The following TMEM260 variants were observed in gnomAD, a reference collection of about 807,000 sequenced individuals.
The protein encoded by TMEM260 is protein O-mannosyl-transferase TMEM260.
TMEM260 carries 82 observed loss-of-function variants against 88.9 expected under a neutral mutation model. That is an observed-to-expected ratio of 0.92 (90% CI 0.77 to 1.11). The LOEUF (loss-of-function observed/expected upper bound fraction) is 1.11. Among genes scored for constraint, TMEM260 ranks in the 50% least tolerant of loss-of-function variants. The pLI is 0.00. For synonymous variants in TMEM260, 314 were observed against 309.3 expected (o/e 1.02, Z -0.16); for missense variants, 902 against 853.4 (o/e 1.06, Z -0.71).
At chr14:56,643,380 A>G (rs1195731448) in intron 15 of TMEM260, among the ~76,000 whole-genome samples, 2 of 152,256 alleles carry the variant, frequency 1.3e-5, no homozygotes, top group Non-Finnish European at 2.9e-5. Context: ...AATGTAATCC[A>G]GCATATAAAC....
rs1223464843 is a variant in TMEM260 at position 56,603,666 on chromosome 14, TTATTA to T, written c.345-145_345-141del. The T allele has an allele frequency of 4.0e-6, 3 of 757,782 alleles. No individual in the cohort carries two copies. The African/African-American group carries it at 5.3e-5, about 13-fold the overall frequency. 46.9% of individuals were successfully genotyped at this position (757,782 alleles called of 1,614,324 possible). ...CCTAATTAAAATCTGTTGAAGGAAA[TTATTA>T]TATGAGTTAATGTATTAACCATATA... On this transcript the variant is annotated intron_variant, in intron 3 of 15. Coordinates refer to ENST00000261556, the MANE Select transcript of TMEM260 (RefSeq NM_017799.4).
chr14:56,630,042 GA>G (rs57944362), intron 12 of TMEM260, among the ~76,000 whole-genome samples: 43 of 133,154 alleles, frequency 3.2e-4, no homozygotes, highest in East Asian at 6.3e-4. Context: ...CCCTATCTCA[GA>G]AAAAAAAAAA....
downstream of TMEM260, among the ~76,000 whole-genome samples, chr14:56,652,039 A>G (rs1475520): frequency 0.64 from 97,562 of 152,088 alleles, 34,375 homozygotes; most frequent in Non-Finnish European, 0.79. Context: ...GAACTGTTGA[A>G]GATATCTTTA....
chr14:56,623,494 C>T (rs1381053045), intron 11 of TMEM260, among the ~76,000 whole-genome samples: 1 of 152,146 alleles, frequency 6.6e-6, no homozygotes, highest in Non-Finnish European at 1.5e-5. Context: ...TATACTCACA[C>T]CTAAACTGCT....
At chr14:56,592,550 GA>G (rs1474509908) in intron 3 of TMEM260, among the ~76,000 whole-genome samples, 1 of 152,150 alleles carries the variant, frequency 6.6e-6, no homozygotes, top group African/African-American at 2.4e-5. Flanking sequence ...AGGTAGACTG[GA>G]GAGAGAAATA....
At chr14:56,586,401 T>G (rs1885506075) in intron 3 of TMEM260, among the ~76,000 whole-genome samples, 1 of 152,132 alleles carries the variant, frequency 6.6e-6, no homozygotes, top group Non-Finnish European at 1.5e-5. Context: ...TTTAGTAAGG[T>G]TTCACTCTGC....
chr14:56,635,039 G>C, intron 14 of TMEM260, 87 bp downstream of exon 14: 2 of 1,120,688 alleles, frequency 1.8e-6, no homozygotes, highest in South Asian at 2.5e-5. Flanking sequence ...GAGAGTAGGG[G>C]TGAGTAGTGA....
chr14:56,580,017 G>A lies in TMEM260; in HGVS notation c.103G>A (p.Ala35Thr), dbSNP rs376800675. 126 of 1,248,520 alleles carry A rather than the reference G, an allele frequency of 1.0e-4. No individual in the cohort carries two copies. Among genetic ancestry groups the A allele is most frequent in the Admixed American group, 8.4e-5 (2 of 23,870 alleles). 77.3% of individuals were successfully genotyped at this position (1,248,520 alleles called of 1,614,324 possible). The change falls in exon 1 of 16, where the codon GCC becomes ACC. Residue 35 changes from alanine (A) to threonine (T), a missense_variant. Physicochemically the swap from Ala to Thr is moderately conservative, Grantham distance 58 (BLOSUM62 0). Coordinates refer to ENST00000261556, the MANE Select transcript of TMEM260 (RefSeq NM_017799.4). ...CCGCGGCGGCGTGGCGGTGTTCGCC[G>A]CCGTGGCCGCAGTGTTCACCTTCAC... ...GIRGGVAVFA[A>T]VAAVFTFTLP...
chr14:56,638,357 A>C (rs1485013941), intron 15 of TMEM260: 1 of 152,104 alleles, frequency 6.6e-6, no homozygotes, highest in East Asian at 1.9e-4. Context: ...ACTTGAAAAG[A>C]TCTCCTTTCA....
At chr14:56,583,359 G>T (rs548291660) in intron 1 of TMEM260, among the ~76,000 whole-genome samples, 1 of 152,074 alleles carries the variant, frequency 6.6e-6, no homozygotes, top group Non-Finnish European at 1.5e-5. Flanking sequence ...GACTTAATCT[G>T]TCTTCAGGTG....
intron 1 of TMEM260, among the ~76,000 whole-genome samples, chr14:56,583,991 TGTG>T (rs981705936): frequency 1.6e-4 from 1 of 6,294 alleles, no homozygotes; most frequent in Admixed American, 1.2e-3. Flanking sequence ...TCCAGCCTTT[TGTG>T]TGTGTGTGTG....
chr14:56,592,776 A>G (rs926242071), intron 3 of TMEM260, among the ~76,000 whole-genome samples: 1 of 152,204 alleles, frequency 6.6e-6, no homozygotes, highest in East Asian at 1.9e-4. Context: ...TAACGTTCAG[A>G]TGCTGCACTG....
intron 10 of TMEM260, 97 bp downstream of exon 10, chr14:56,618,860 T>G: frequency 8.1e-7 from 1 of 1,240,698 alleles, no homozygotes; most frequent in African/African-American, 1.5e-5. Flanking sequence ...CTTCTGGTTT[T>G]CAAGACTCAA....
In TMEM260 at chr14:56,595,449, G is replaced by C. The variant is rs17091764; in HGVS notation, c.345-8366G>C. On this transcript the variant is annotated intron_variant, in intron 3 of 15. Coordinates refer to ENST00000261556, the MANE Select transcript of TMEM260 (RefSeq NM_017799.4). ...TTCTTTACAAATCAATGTGTGAAAG[G>C]CAATATGAGTAACTGTGAACCTATA... 9.6e-3 allele frequency among the ~76,000 whole-genome samples: 1,458 copies of C among 152,188 alleles called. 43 individuals are homozygous for C. The East Asian group carries it at 0.099, about 10-fold the overall frequency.
At chr14:56,646,490 TTTTG>T (rs138844426) in intron 15 of TMEM260, among the ~76,000 whole-genome samples, 5,671 of 152,278 alleles carry the variant, frequency 0.037, 230 homozygotes, top group East Asian at 0.11. Context: ...GTGTCTGCGT[TTTTG>T]TTTGTTAAAT....
At chr14:56,657,955 G>A in the TMEM260 span, among the ~76,000 whole-genome samples, 2 of 152,168 alleles carry the variant, frequency 1.3e-5, no homozygotes, top group Non-Finnish European at 2.9e-5. Flanking sequence ...AAACATTCAT[G>A]CTGTCTATCT....
At chr14:56,599,947 A>G (rs542017817) in intron 3 of TMEM260, among the ~76,000 whole-genome samples, 1 of 152,350 alleles carries the variant, frequency 6.6e-6, no homozygotes, top group South Asian at 2.1e-4. Context: ...TTATTTGAAT[A>G]ATTTTTCTTC....
rs1888904674 is a variant in TMEM260, at chr14:56,634,829, C to T, written c.1725-70C>T. ...TGCATTCCAGCCTGGGCAGCAAGAG[C>T]AAAATTCTGTCTCAAAAAAAAAAAA... On this transcript the variant is annotated intron_variant, in intron 13 of 15. Transcript: ENST00000261556. 7 of 1,432,392 alleles carry T rather than the reference C, an allele frequency of 4.9e-6. No homozygotes were observed. In the South Asian group the frequency reaches 7.0e-5, roughly 14 times the overall value. 88.7% of individuals were successfully genotyped at this position (1,432,392 alleles called of 1,614,324 possible).
intron 12 of TMEM260, among the ~76,000 whole-genome samples, chr14:56,632,142 T>C (rs1888653815): frequency 1.3e-5 from 2 of 152,164 alleles, no homozygotes; most frequent in African/African-American, 4.8e-5. Context: ...TTTATGGCAT[T>C]GCTCTCTGCA....
Sources: gnomAD v4.1 joint callset for allele counts (sites outside exome capture counted in the v4.1 genomes callset) on GRCh38, gnomAD v4.1.1 for gene constraint, MANE v1.5 for transcripts, NCBI Gene and HGNC (gene_info 2026-07-23, HGNC 2026-07-21) for gene names.